Variants in TRPC4AP observed in about 807,000 individuals in gnomAD.
TRPC4AP encodes short transient receptor potential channel 4-associated protein.
Under a neutral mutation model 99.0 loss-of-function variants are expected in TRPC4AP, and 45 were observed. The observed-to-expected ratio is 0.45, with a 90% confidence interval of 0.36 to 0.58. TRPC4AP has a LOEUF of 0.58. Ranked by LOEUF, TRPC4AP falls within the 20% of genes least tolerant of loss-of-function variation. The pLI is 0.00. For synonymous variants in TRPC4AP, 408 were observed against 385.8 expected, an observed-to-expected ratio of 1.06 and a Z score of -0.67; for missense variants, 879 against 985.3, an observed-to-expected ratio of 0.89 and a Z score of 1.44.
In TRPC4AP at chr20:35,078,156, T is replaced by C. The variant is rs1398567979; in HGVS notation, c.187A>G (p.Thr63Ala). ...RAVQFTETFL[T>A]ERDKQSKWSG... is the part of the protein sequence containing the mutation. ...CACTTGGATTGTTTGTCCCTCTCCGTCAAAAAAGTCTCAGTGAACTGTGAG... is the reference window on the plus strand; with the variant it reads ...CACTTGGATTGTTTGTCCCTCTCCGCCAAAAAAGTCTCAGTGAACTGTGAG... Residue 63 changes from threonine (T) to alanine (A), a missense_variant, in exon 2 of 19, where the codon ACG becomes GCG. Physicochemically the swap from Thr to Ala is moderately conservative, Grantham distance 58. This residue lies in a region of TRPC4AP where 603 missense variants were observed against 631.8 expected (regional missense o/e 0.95). Coordinates refer to ENST00000252015, the MANE Select transcript of TRPC4AP (RefSeq NM_015638.3). 6.2e-7 allele frequency: 1 copy of C among 1,613,314 alleles called. No homozygotes were observed. Among genetic ancestry groups the C allele is most frequent in the African/African-American group, 1.3e-5 (1 of 74,972 alleles).
chr20:35,013,565 G>A (rs1464187211), intron 10 of TRPC4AP, among the ~76,000 whole-genome samples: 1 of 152,180 alleles, frequency 6.6e-6, no homozygotes, highest in Non-Finnish European at 1.5e-5. Context: ...CTGGGTGATG[G>A]AGACTCTGTC....
chr20:35,043,443 C>T (rs754712812), intron 7 of TRPC4AP, among the ~76,000 whole-genome samples: 43 of 151,982 alleles, frequency 2.8e-4, no homozygotes, highest in Non-Finnish European at 4.4e-5. Flanking sequence ...GATGGGGTTT[C>T]GCCATGTTGG....
chr20:35,034,672 A>C (rs550745962), intron 8 of TRPC4AP, among the ~76,000 whole-genome samples: 1 of 152,292 alleles, frequency 6.6e-6, no homozygotes, highest in Non-Finnish European at 1.5e-5. Flanking sequence ...GATGGGCCAG[A>C]GTTCTTTACC....
At chr20:35,076,537 C>G (rs1044153695) in intron 2 of TRPC4AP, among the ~76,000 whole-genome samples, 3 of 152,160 alleles carry the variant, frequency 2.0e-5, no homozygotes. Flanking sequence ...CACTCCAGAC[C>G]CTGTTTGTCT....
At chr20:35,084,472 A>C (rs1237715087) in intron 1 of TRPC4AP, among the ~76,000 whole-genome samples, 10 of 119,318 alleles carry the variant, frequency 8.4e-5, no homozygotes, top group Non-Finnish European at 1.9e-4. Context: ...GTATATATGT[A>C]TATATGTGTA....
At chr20:35,010,716 C>A (rs999496925) in intron 11 of TRPC4AP, among the ~76,000 whole-genome samples, 3 of 152,228 alleles carry the variant, frequency 2.0e-5, no homozygotes, top group African/African-American at 7.2e-5. Flanking sequence ...CTTCCCCCGA[C>A]TTGCCATCCA....
At chr20:35,008,837 A>AC (rs920037869) in intron 12 of TRPC4AP, 90 bp from the exon 13 acceptor site, 34 of 1,199,334 alleles carry the variant, frequency 2.8e-5, no homozygotes, top group Non-Finnish European at 4.0e-5. Flanking sequence ...GCGGTGAAAA[A>AC]CCATGGGGAC....
chr20:35,022,233 G>A (rs542895370), intron 8 of TRPC4AP, among the ~76,000 whole-genome samples: 1 of 152,336 alleles, frequency 6.6e-6, no homozygotes, highest in South Asian at 2.1e-4. Context: ...TTGGCTCACT[G>A]CAACTTCCGC....
At chr20:35,067,095 A>G (rs1230695119) in intron 3 of TRPC4AP, among the ~76,000 whole-genome samples, 1 of 152,248 alleles carries the variant, frequency 6.6e-6, no homozygotes, top group Non-Finnish European at 1.5e-5. Flanking sequence ...AGATATACAA[A>G]TGACAAACTC....
At chr20:35,046,902 T>C (rs2083572983) in intron 6 of TRPC4AP, among the ~76,000 whole-genome samples, 1 of 152,128 alleles carries the variant, frequency 6.6e-6, no homozygotes, top group Non-Finnish European at 1.5e-5. Context: ...GGAGTCTCAC[T>C]GTGATGCCCA....
intron 8 of TRPC4AP, 87 bp downstream of exon 8, chr20:35,035,036 T>C: frequency 1.4e-6 from 2 of 1,406,384 alleles, no homozygotes; most frequent in Non-Finnish European, 1.9e-6. Flanking sequence ...AAATCTCAAA[T>C]TAATCCTTCT....
chr20:35,058,671 A>T (rs2083900035), intron 3 of TRPC4AP, among the ~76,000 whole-genome samples: 1 of 148,820 alleles, frequency 6.7e-6, no homozygotes, highest in East Asian at 2.0e-4. Context: ...GTAAATGCCT[A>T]TATTAAAAGA....
At chr20:35,037,450 C>G (rs1389505140) in intron 7 of TRPC4AP, among the ~76,000 whole-genome samples, 2 of 151,562 alleles carry the variant, frequency 1.3e-5, no homozygotes, top group Non-Finnish European at 2.9e-5. Context: ...GGTGCACACA[C>G]AAATATGTGT....
chr20:35,087,096 G>A (rs1298644406), intron 1 of TRPC4AP, among the ~76,000 whole-genome samples: 2 of 151,266 alleles, frequency 1.3e-5, no homozygotes, highest in African/African-American at 2.4e-5. Context: ...TTGGGAGGCC[G>A]AGGTGGGCGG....
At chr20:35,010,382 G>A in intron 11 of TRPC4AP, 94 bp from the exon 12 acceptor site, 1 of 1,023,328 alleles carries the variant, frequency 9.8e-7, no homozygotes, top group Non-Finnish European at 1.5e-6. Flanking sequence ...CCCACTTCCT[G>A]TGGACAGAAT....
chr20:35,086,431 A>ATGTGTGTGTGTGTG (rs150231202), intron 1 of TRPC4AP, among the ~76,000 whole-genome samples: 4 of 109,470 alleles, frequency 3.7e-5, no homozygotes, highest in South Asian at 6.5e-4. Context: ...TGAATGGCAT[A>ATGTGTGTGTGTGTG]TGTGTGTGTG....
At position 35,005,749 on chromosome 20, in the gene TRPC4AP, C is replaced by T. The variant is rs768054090; in HGVS notation, c.1882G>A (p.Val628Met). 8 of 1,614,088 alleles carry T rather than the reference C, an allele frequency of 5.0e-6. No homozygotes were observed. The highest frequency in any genetic ancestry group is 6.8e-6 in the Non-Finnish European group (8 of 1,180,020). ...NSSLVDSNML[V>M]RCVTLSLDRF... Reference sequence around the variant, plus strand: ...TCCAGGGACAGAGTGACACAGCGCACCAGCATGTTGGAGTCCACCAGGGAG... The same window carrying T: ...TCCAGGGACAGAGTGACACAGCGCATCAGCATGTTGGAGTCCACCAGGGAG... The change falls in exon 16 of 19, where the codon GTG (valine) becomes ATG (methionine). Residue 628 changes from valine to methionine, a missense_variant. Transcript: ENST00000252015.
intron 10 of TRPC4AP, among the ~76,000 whole-genome samples, chr20:35,014,248 C>G (rs1316195225): frequency 6.6e-6 from 1 of 151,784 alleles, no homozygotes; most frequent in African/African-American, 2.4e-5. Flanking sequence ...CCCTCCCTGC[C>G]TGGAGTGAAA....
At chr20:35,070,474 G>A (rs2084278053) in intron 2 of TRPC4AP, among the ~76,000 whole-genome samples, 1 of 151,524 alleles carries the variant, frequency 6.6e-6, no homozygotes, top group African/African-American at 2.4e-5. Flanking sequence ...GCAGTGGCGC[G>A]ATCTCGGCTC....
Sources: allele counts gnomAD v4.1 joint callset (sites outside exome capture counted in the v4.1 genomes callset), GRCh38; gene constraint gnomAD v4.1.1; regional missense constraint gnomAD v4.1.1; transcripts MANE v1.5; gene names NCBI Gene and HGNC (gene_info 2026-07-23, HGNC 2026-07-21).